ZNF157: variants seen among roughly 807,000 people sequenced by gnomAD.
The protein encoded by ZNF157 is zinc finger protein 22.
In ZNF157, 8 loss-of-function variants were observed where a neutral mutation model predicts 9.4. The observed-to-expected ratio is 0.85, with a 90% CI of 0.50 to 1.53. ZNF157 has a LOEUF of 1.53. Ranked by LOEUF, ZNF157 falls within the 40% of genes most tolerant of loss-of-function variation. The probability of loss-of-function intolerance (pLI) is 0.00; values close to 1 mark genes in which losing one functional copy is unlikely to be tolerated. For synonymous variants in ZNF157, 120 were observed against 130.8 expected, an observed-to-expected ratio of 0.92 and a Z score of 0.56; for missense variants, 316 against 385.2, an observed-to-expected ratio of 0.82 and a Z score of 1.50.
chrX:47,401,213 A>G (rs939830571), intron 1 of ZNF157, among the ~76,000 whole-genome samples: 1 of 112,129 alleles, frequency 8.9e-6, no homozygotes, highest in African/African-American at 3.2e-5. Context: ...TTTATCTTTC[A>G]TTCACAAAAA....
intron 1 of ZNF157, among the ~76,000 whole-genome samples, chrX:47,398,655 A>G (rs771953057): frequency 9.6e-6 from 1 of 103,808 alleles, no homozygotes; most frequent in Non-Finnish European, 2.0e-5. Context: ...TTACAGGCTC[A>G]TGCCACCACA....
chrX:47,406,468 G>A (rs868825129), intron 1 of ZNF157, among the ~76,000 whole-genome samples: 29 of 110,425 alleles, frequency 2.6e-4, no homozygotes, highest in Non-Finnish European at 5.1e-4. Context: ...TGGCCTCCCC[G>A]GTTGAAGCGA....
chrX:47,392,869 G>T (rs1256530888), intron 1 of ZNF157, among the ~76,000 whole-genome samples: 1 of 111,412 alleles, frequency 9.0e-6, no homozygotes, highest in East Asian at 2.8e-4. Context: ...AATATCCCCT[G>T]TTGAGGCCGG....
intron 1 of ZNF157, among the ~76,000 whole-genome samples, chrX:47,372,615 C>T (rs2055832253): frequency 9.3e-6 from 1 of 107,855 alleles, no homozygotes; most frequent in Non-Finnish European, 1.9e-5. Flanking sequence ...CTGCCTCAGC[C>T]TCCCAAGTAG....
chrX:47,385,544 C>CGTGTGTGTGTGTGTGTGTGT (rs10687283), intron 1 of ZNF157, among the ~76,000 whole-genome samples: 2 of 90,369 alleles, frequency 2.2e-5, no homozygotes, highest in African/African-American at 4.0e-5. Context: ...TAAGCGATTC[C>CGTGTGTGTGTGTGTGTGTGT]GTGTGTGTGT....
intron 1 of ZNF157, among the ~76,000 whole-genome samples, chrX:47,395,448 A>G (rs1446742690): frequency 4.5e-5 from 5 of 111,955 alleles, no homozygotes; most frequent in Non-Finnish European, 9.4e-5. Context: ...TCCAACTGAC[A>G]CATCAAATTG....
At chrX:47,388,396 G>GTT (rs1201910525) in intron 1 of ZNF157, among the ~76,000 whole-genome samples, 178 of 100,621 alleles carry the variant, frequency 1.8e-3, no homozygotes, top group African/African-American at 6.0e-3. Context: ...GTGTTTTTTT[G>GTT]TTTTTTTTTT....
At chrX:47,388,123 A>G (rs2055885690) in intron 1 of ZNF157, among the ~76,000 whole-genome samples, 1 of 109,141 alleles carries the variant, frequency 9.2e-6, no homozygotes, top group Non-Finnish European at 1.9e-5. Context: ...GTCTTGCTTC[A>G]TCTCCCAGGC....
Position 47,385,260 on chromosome X carries a change from A to G in ZNF157, c.72+14520A>G, listed in dbSNP as rs768506344. ...TTTAATTAAATAATAGTATTTAAGTATTTACAAATTTATATTCTTCTCATC... is the reference window on the plus strand; with the variant it reads ...TTTAATTAAATAATAGTATTTAAGTGTTTACAAATTTATATTCTTCTCATC... On this transcript the variant is annotated intron_variant, in intron 1 of 3. Coordinates refer to ENST00000377073, the MANE Select transcript of ZNF157 (RefSeq NM_003446.4). Among the ~76,000 whole-genome samples, 5 of 111,910 alleles carry G rather than the reference A, an allele frequency of 4.5e-5. No homozygotes were observed. In the South Asian group the frequency reaches 1.8e-3, roughly 41 times the overall value.
chrX:47,387,862 G>GGGT (rs2055884417), intron 1 of ZNF157, among the ~76,000 whole-genome samples: 1 of 91,328 alleles, frequency 1.1e-5, no homozygotes, highest in African/African-American at 4.1e-5. Context: ...ACTCCAGCCT[G>GGGT]GGTGACAGAG....
chrX:47,377,816 CATG>C (rs2055849562), intron 1 of ZNF157, among the ~76,000 whole-genome samples: 1 of 107,416 alleles, frequency 9.3e-6, no homozygotes, highest in Admixed American at 1.0e-4. Context: ...TCTCTAGTGA[CATG>C]ATGTTGAGGA....
intron 1 of ZNF157, among the ~76,000 whole-genome samples, chrX:47,381,078 GGAGGAGGAGGAGA>G (rs2055861561): frequency 9.7e-6 from 1 of 103,248 alleles, no homozygotes; most frequent in Non-Finnish European, 2.0e-5. Flanking sequence ...AGGAGGAGCA[GGAGGAGGAGGAGA>G]AAGAGAAGGA....
At position 47,412,624 on chromosome X, in the gene ZNF157, A is replaced by G. The variant is rs775711841; in HGVS notation, c.551A>G (p.His184Arg). Reference sequence around the variant, plus strand: ...AACCTTGTTGAACATCTGAGAATACACACAGGAGAGAGACCCTATGAATGC... The same window carrying G: ...AACCTTGTTGAACATCTGAGAATACGCACAGGAGAGAGACCCTATGAATGC... ...KSNLVEHLRI[H>R]TGERPYECGE... The change falls in exon 4 of 4, where the codon CAC (histidine) becomes CGC (arginine). Residue 184 changes from histidine (H) to arginine (R), a missense_variant. By Grantham distance (29) the His-to-Arg change is conservative. Transcript: ENST00000377073. 2.5e-6 allele frequency: 3 copies of G among 1,212,292 alleles called. No individual in the cohort carries two copies. The highest frequency in any genetic ancestry group is 5.9e-5 in the East Asian group (2 of 33,862).
At chrX:47,410,435 C>T (rs1569261100) in intron 2 of ZNF157, 33 bp downstream of exon 2, 8 of 1,201,045 alleles carry the variant, frequency 6.7e-6, no homozygotes, top group Admixed American at 2.2e-5. Context: ...CTCCTGAGAG[C>T]GTGTGTTTCC....
At chrX:47,406,764 C>A (rs947293234) in intron 1 of ZNF157, among the ~76,000 whole-genome samples, 1 of 112,569 alleles carries the variant, frequency 8.9e-6, no homozygotes, top group Non-Finnish European at 1.9e-5. Flanking sequence ...TCTACATAGA[C>A]AATCATATTG....
rs186754425 is a variant in ZNF157 at position 47,394,798 on chromosome X, A to G, written c.73-15478A>G. 2.0e-4 allele frequency among the ~76,000 whole-genome samples: 22 copies of G among 111,049 alleles called. 1 individual carries two copies. Among genetic ancestry groups the G allele is most frequent in the African/African-American group, 6.5e-4 (20 of 30,661 alleles). ...TACTTCCTCCTTCTGAGCCCTCCTC[A>G]GCAGTGTTTTTTTTGTTTTGTTTTG... On this transcript the variant is annotated intron_variant, in intron 1 of 3. Coordinates refer to ENST00000377073, the MANE Select transcript of ZNF157 (RefSeq NM_003446.4).
At chrX:47,384,546 C>T (rs138038745) in intron 1 of ZNF157, among the ~76,000 whole-genome samples, 265 of 112,390 alleles carry the variant, frequency 2.4e-3, no homozygotes, top group Non-Finnish European at 3.6e-3. Flanking sequence ...TGTAAATTCA[C>T]CCTTCAACCA....
chrX:47,386,536 T>C (rs778548528), intron 1 of ZNF157, among the ~76,000 whole-genome samples: 3 of 111,245 alleles, frequency 2.7e-5, no homozygotes, highest in African/African-American at 9.8e-5. Flanking sequence ...CTCGGCTTGC[T>C]GCAACCTTTG....
chrX:47,372,969 G>A (rs768940810), intron 1 of ZNF157, among the ~76,000 whole-genome samples: 100 of 109,220 alleles, frequency 9.2e-4, no homozygotes, highest in African/African-American at 3.3e-3. Flanking sequence ...GGAGGCCGAG[G>A]TGGGAGGATC....
Sources: gnomAD v4.1 joint callset for allele counts (sites outside exome capture counted in the v4.1 genomes callset) on GRCh38, gnomAD v4.1.1 for gene constraint, MANE v1.5 for transcripts, NCBI Gene and HGNC (gene_info 2026-07-23, HGNC 2026-07-21) for gene names.